The following SEMG2 variants were observed in gnomAD, a reference collection of about 807,000 sequenced individuals.
SEMG2 encodes the protein semenogelin-2.
In SEMG2, 3 loss-of-function variants were observed where a neutral mutation model predicts 8.1. The ratio of observed to expected loss-of-function variants is 0.37; its 90% CI spans 0.17 to 0.96. The LOEUF is 0.96. Among genes scored for constraint, SEMG2 ranks in the 40% least tolerant of loss-of-function variants. The pLI, the probability that SEMG2 is intolerant of heterozygous loss-of-function variation, is 0.41. For synonymous variants in SEMG2, 252 were observed against 231.4 expected (o/e 1.09, Z -0.81); for missense variants, 726 against 671.2 (o/e 1.08, Z -0.90).
chr20:45,223,489 A>G, intron 2 of SEMG2, 64 bp downstream of exon 2: 2 of 665,066 alleles, frequency 3.0e-6, no homozygotes, highest in East Asian at 2.7e-5. Flanking sequence ...CTCTCCAGGA[A>G]CATGGTAGGA....
At position 45,222,366 on chromosome 20, in the gene SEMG2, G is replaced by A; in HGVS notation, c.734G>A (p.Arg245Lys). 6.2e-7 allele frequency: 1 copy of A among 1,614,130 alleles called. No homozygotes were observed. The highest frequency in any genetic ancestry group is 8.5e-7 in the Non-Finnish European group (1 of 1,180,016). The change falls in exon 2 of 3, where the codon AGA becomes AAA. Residue 245 changes from arginine (R) to lysine (K), a missense_variant. Coordinates refer to ENST00000372769, the MANE Select transcript of SEMG2 (RefSeq NM_003008.3). ...QTSLHPAHQD[R>K]LQHGPKDIFT... ...TCACTCCATCCTGCACATCAAGACA[G>A]ACTCCAACATGGACCCAAAGACATT...
intron 1 of SEMG2, 117 bp downstream of exon 1, chr20:45,221,582 A>G: frequency 7.1e-7 from 1 of 1,409,608 alleles, no homozygotes; most frequent in Non-Finnish European, 9.7e-7. Flanking sequence ...ATGAGAATTG[A>G]TTTTTCTCCA....
intron 1 of SEMG2, 50 bp downstream of exon 1, chr20:45,221,515 T>A (rs752817052): frequency 5.0e-6 from 8 of 1,600,090 alleles, no homozygotes; most frequent in Non-Finnish European, 6.8e-6. Context: ...AAAAATGGCC[T>A]CTAAGGATAT....
chr20:45,223,471 G>T, intron 2 of SEMG2, 46 bp downstream of exon 2: 1 of 801,092 alleles, frequency 1.2e-6, no homozygotes, highest in South Asian at 1.8e-5. Context: ...CTGTCCCAAA[G>T]TTGGGGACTC....
rs1984045687 is a variant in SEMG2 at position 45,222,545 on chromosome 20, G to A, written c.913G>A (p.Val305Ile). ...ACAACTTCACCATGGAGAAAAGAGTGTACAGAAAGATGTATCCAAAGGCAG... is the reference window on the plus strand; with the variant it reads ...ACAACTTCACCATGGAGAAAAGAGTATACAGAAAGATGTATCCAAAGGCAG... ...ERQLHHGEKS[V>I]QKDVSKGSIS... The change falls in exon 2 of 3, where the codon GTA becomes ATA. Residue 305 changes from valine (V) to isoleucine (I), a missense_variant. Transcript: ENST00000372769. The A allele has an allele frequency of 1.2e-6, 2 of 1,614,056 alleles. No individual in the cohort carries two copies. The highest frequency in any genetic ancestry group is 1.7e-6 in the Non-Finnish European group (2 of 1,180,004).
In SEMG2 at chr20:45,221,866, G is replaced by A. The variant is rs557082400; in HGVS notation, c.234G>A (p.Trp78Ter). The change falls in exon 2 of 3, where the codon TGG becomes TGA. Residue 78 changes from tryptophan to a stop codon, truncating the protein, a stop_gained. Coordinates refer to ENST00000372769, the MANE Select transcript of SEMG2 (RefSeq NM_003008.3). LOFTEE classifies it low-confidence loss of function (END_TRUNC). ...ATGTAGACATCAATGATCATGACTG[G>A]ACCCGAAAAAGTCAGCAATATGATT... ...TYHVDINDHD[W>*]TRKSQQYDLN... 1.2e-6 allele frequency: 2 copies of A among 1,613,966 alleles called. No individual in the cohort carries two copies. Among genetic ancestry groups the A allele is most frequent in the South Asian group, 2.2e-5 (2 of 90,984 alleles).
chr20:45,222,501 C>T lies in SEMG2; in HGVS notation c.869C>T (p.Ser290Phe). Residue 290 changes from serine (S) to phenylalanine (F), a missense_variant, in exon 2 of 3, where the codon TCT (serine) becomes TTT (phenylalanine). Transcript: ENST00000372769. ...GRKAHKISYPSSRTEERQLHH... is the reference protein window; with the variant it reads ...GRKAHKISYPFSRTEERQLHH... Reference sequence around the variant, plus strand: ...AAGGCACATAAAATATCATACCCGTCTTCACGTACAGAAGAAAGACAACTT... The same window carrying T: ...AAGGCACATAAAATATCATACCCGTTTTCACGTACAGAAGAAAGACAACTT... 1 of 1,613,944 alleles carries T rather than the reference C, an allele frequency of 6.2e-7. No homozygotes were observed. Among genetic ancestry groups the T allele is most frequent in the Middle Eastern group, 1.6e-4 (1 of 6,062 alleles).
rs1210703324 is a variant in SEMG2, at chr20:45,222,856, C to G, written c.1224C>G (p.Tyr408Ter). 3 of 1,613,606 alleles carry G rather than the reference C, an allele frequency of 1.9e-6. No individual in the cohort carries two copies. Among genetic ancestry groups the G allele is most frequent in the Middle Eastern group, 1.6e-4 (1 of 6,084 alleles). The change falls in exon 2 of 3, where the codon TAC (tyrosine) becomes TAG (stop). Residue 408 changes from tyrosine (Y) to a stop codon, truncating the protein, a stop_gained. Transcript: ENST00000372769. LOFTEE classifies it low-confidence loss of function (END_TRUNC). ...GCCATAAGGAAAATAAAATATCATA[C>G]CAATCTTCGAGTACAGAAGAAAGAC... Reference protein sequence around the residue: ...EYGHKENKISYQSSSTEERRL... With the variant: ...EYGHKENKIS
In SEMG2 at chr20:45,222,368, C is replaced by A. The variant is rs1269780940; in HGVS notation, c.736C>A (p.Leu246Ile). Residue 246 changes from leucine to isoleucine, a missense_variant, in exon 2 of 3, where the codon CTC becomes ATC. Coordinates refer to ENST00000372769, the MANE Select transcript of SEMG2 (RefSeq NM_003008.3). ...ACTCCATCCTGCACATCAAGACAGA[C>A]TCCAACATGGACCCAAAGACATTTT... is the stretch of plus-strand genomic sequence containing the variant. ...TSLHPAHQDR[L>I]QHGPKDIFTT... 4 of 1,614,164 alleles carry A rather than the reference C, an allele frequency of 2.5e-6. No homozygotes were observed. The highest frequency in any genetic ancestry group is 1.1e-5 in the South Asian group (1 of 91,086).
chr20:45,222,076 T>G lies in SEMG2; in HGVS notation c.444T>G (p.Asn148Lys). ...GTQNPSQDQG[N>K]SPSGKGLSSQ... The stretch of plus-strand genomic sequence containing the variant: ...AAAATCCTTCTCAAGATCAGGGGAA[T>G]AGCCCATCTGGAAAGGGATTATCCA... Residue 148 changes from asparagine (N) to lysine (K), a missense_variant, in exon 2 of 3, where the codon AAT becomes AAG. By Grantham distance (94) the Asn-to-Lys change is moderately conservative (BLOSUM62 0). Transcript: ENST00000372769. 1 of 1,614,032 alleles carries G rather than the reference T, an allele frequency of 6.2e-7. No individual in the cohort carries two copies. The highest frequency in any genetic ancestry group is 1.3e-5 in the African/African-American group (1 of 75,030).
Position 45,222,495 on chromosome 20 carries a change from A to G in SEMG2, c.863A>G (p.Tyr288Cys). 1.9e-6 allele frequency: 3 copies of G among 1,613,930 alleles called. No homozygotes were observed. Among genetic ancestry groups the G allele is most frequent in the Non-Finnish European group, 2.5e-6 (3 of 1,179,974 alleles). Reference sequence around the variant, plus strand: ...GGCCGGAAGGCACATAAAATATCATACCCGTCTTCACGTACAGAAGAAAGA... The same window carrying G: ...GGCCGGAAGGCACATAAAATATCATGCCCGTCTTCACGTACAGAAGAAAGA... ...EHGRKAHKIS[Y>C]PSSRTEERQL... The change falls in exon 2 of 3, where the codon TAC becomes TGC. Residue 288 changes from tyrosine to cysteine, a missense_variant. By Grantham distance (194) the Tyr-to-Cys change is radical. Transcript: ENST00000372769.
Position 45,222,441 on chromosome 20 carries a change from C to A in SEMG2, c.809C>A (p.Thr270Lys), listed in dbSNP as rs771616894. 3.1e-6 allele frequency: 5 copies of A among 1,613,826 alleles called. No homozygotes were observed. The highest frequency in any genetic ancestry group is 1.7e-5 in the Admixed American group (1 of 59,976). Residue 270 changes from threonine (T) to lysine (K), a missense_variant, in exon 2 of 3, where the codon ACA becomes AAA. By Grantham distance (78) the Thr-to-Lys change is moderately conservative. Coordinates refer to ENST00000372769, the MANE Select transcript of SEMG2 (RefSeq NM_003008.3). The stretch of plus-strand genomic sequence containing the variant: ...GTATATAACAAGAATCAACACCAGA[C>A]AAAAAATCTCAGTCAAGATCAAGAG... ...LLVYNKNQHQ[T>K]KNLSQDQEHG... is the part of the protein sequence containing the mutation.
rs148802229 is a variant in SEMG2 at position 45,221,750 on chromosome 20, C to T, written c.118C>T (p.Pro40Ser). 1 of 1,610,694 alleles carries T rather than the reference C, an allele frequency of 6.2e-7. No homozygotes were observed. Among genetic ancestry groups the T allele is most frequent in the Non-Finnish European group, 8.5e-7 (1 of 1,179,176 alleles). The change falls in exon 2 of 3, where the codon CCA becomes TCA. Residue 40 changes from proline to serine, a missense_variant. Transcript: ENST00000372769. ...ATTGCCAAGCGGATCTTCCCAATTT[C>T]CACATGGACAAAAGGGCCAGCACTA... ...GQLPSGSSQF[P>S]HGQKGQHYFG... is the part of the protein sequence containing the mutation.
chr20:45,221,838 A>T lies in SEMG2; in HGVS notation c.206A>T (p.Tyr69Phe). The change falls in exon 2 of 3, where the codon TAT (tyrosine) becomes TTT (phenylalanine). Residue 69 changes from tyrosine (Y) to phenylalanine (F), a missense_variant. Physicochemically the swap from Tyr to Phe is conservative, Grantham distance 22. Coordinates refer to ENST00000372769, the MANE Select transcript of SEMG2 (RefSeq NM_003008.3). ...GGCAGTTTTTCTATTCAACACACAT[A>T]TCATGTAGACATCAATGATCATGAC... is the stretch of plus-strand genomic sequence containing the variant. ...SKGSFSIQHT[Y>F]HVDINDHDWT... 1 of 1,614,218 alleles carries T rather than the reference A, an allele frequency of 6.2e-7. No individual in the cohort carries two copies. The highest frequency in any genetic ancestry group is 2.2e-5 in the East Asian group (1 of 44,886).
At position 45,223,345 on chromosome 20, in the gene SEMG2, A is replaced by G; in HGVS notation, c.1713A>G (p.Gln571=). ...TTGCCCAAGATGATCATTTGACACA[A>G]CAATATAATGAAGACAGAAATCCAA... ...HEVAQDDHLT[Q]QYNEDRNPIS... The change falls in exon 2 of 3, where the codon CAA becomes CAG. Residue 571 remains glutamine (Q), a synonymous_variant. Coordinates refer to ENST00000372769, the MANE Select transcript of SEMG2 (RefSeq NM_003008.3). 1 of 1,613,702 alleles carries G rather than the reference A, an allele frequency of 6.2e-7. No homozygotes were observed. The highest frequency in any genetic ancestry group is 8.5e-7 in the Non-Finnish European group (1 of 1,179,736).
In SEMG2 at chr20:45,222,791, C is replaced by G. The variant is rs759295309; in HGVS notation, c.1159C>G (p.Gln387Glu). The G allele has an allele frequency of 6.2e-7, 1 of 1,614,124 alleles. No homozygotes were observed. The highest frequency in any genetic ancestry group is 2.2e-5 in the East Asian group (1 of 44,862). ...QTEEQIHGKS[Q>E]NQVRIPSQAQ... ...TGAAGAGCAAATACATGGCAAGTCT[C>G]AAAACCAGGTAAGAATTCCTAGTCA... Residue 387 changes from glutamine (Q) to glutamate (E), a missense_variant, in exon 2 of 3, where the codon CAA becomes GAA. Coordinates refer to ENST00000372769, the MANE Select transcript of SEMG2 (RefSeq NM_003008.3).
Position 45,222,243 on chromosome 20 carries a change from AC to A in SEMG2, c.612del (p.Asn204LysfsTer23). 1 of 1,614,200 alleles carries A rather than the reference AC, an allele frequency of 6.2e-7. No homozygotes were observed. The highest frequency in any genetic ancestry group is 8.5e-7 in the Non-Finnish European group (1 of 1,180,018). On this transcript the variant is annotated frameshift_variant, in exon 2 of 3. Coordinates refer to ENST00000372769, the MANE Select transcript of SEMG2 (RefSeq NM_003008.3). LOFTEE classifies it low-confidence loss of function (END_TRUNC). The part of the protein sequence containing the change: ...YVLQTEELVV[N>X]KQQRETKNSH... ...CTCCAAACTGAAGAACTAGTAGTTAACAAACAACAACGTGAGACTAAAAATT... is the reference window on the plus strand; with the variant it reads ...CTCCAAACTGAAGAACTAGTAGTTAAAAACAACAACGTGAGACTAAAAATT...
rs1461075855 is a variant in SEMG2 at position 45,222,796 on chromosome 20, C to A, written c.1164C>A (p.Asn388Lys). 6.2e-7 allele frequency: 1 copy of A among 1,613,944 alleles called. No homozygotes were observed. The highest frequency in any genetic ancestry group is 8.5e-7 in the Non-Finnish European group (1 of 1,180,002). ...AGCAAATACATGGCAAGTCTCAAAA[C>A]CAGGTAAGAATTCCTAGTCAAGCTC... ...TEEQIHGKSQ[N>K]QVRIPSQAQE... The change falls in exon 2 of 3, where the codon AAC (asparagine) becomes AAA (lysine). Residue 388 changes from asparagine to lysine, a missense_variant. By Grantham distance (94) the Asn-to-Lys change is moderately conservative. Coordinates refer to ENST00000372769, the MANE Select transcript of SEMG2 (RefSeq NM_003008.3).
chr20:45,224,211 G>A (rs1984089452), intron 2 of SEMG2, 80 bp from the exon 3 acceptor site: 1 of 152,462 alleles, frequency 6.6e-6, no homozygotes, highest in Non-Finnish European at 1.5e-5. Flanking sequence ...GACGCTAAAG[G>A]GGACAGGGGT....
Sources: gnomAD v4.1 joint callset for allele counts on GRCh38, gnomAD v4.1.1 for gene constraint, MANE v1.5 for transcripts, NCBI Gene and HGNC (gene_info 2026-07-23, HGNC 2026-07-21) for gene names.